The following SKAP2 variants were observed in gnomAD, a reference collection of about 807,000 sequenced individuals.
SKAP2 encodes the protein src kinase associated phosphoprotein 2.
A neutral mutation model predicts 54.9 loss-of-function variants in SKAP2; 28 were observed. The observed-to-expected ratio is 0.51, with a 90% CI of 0.38 to 0.70. The LOEUF is 0.70. SKAP2 is among the 30% of genes least tolerant of loss of function. The pLI, the probability that SKAP2 is intolerant of heterozygous loss-of-function variation, is 0.00. For synonymous variants in SKAP2, 137 were observed against 134.3 expected (o/e 1.02, Z -0.14); for missense variants, 356 against 424.1 (o/e 0.84, Z 1.41).
At chr7:26,805,832 T>A (rs1285478480) in intron 4 of SKAP2, among the ~76,000 whole-genome samples, 1 of 152,258 alleles carries the variant, frequency 6.6e-6, no homozygotes, top group Non-Finnish European at 1.5e-5. Flanking sequence ...TACACTTCAT[T>A]TTATTGCATT....
chr7:26,776,157 G>A (rs56374720), intron 4 of SKAP2, among the ~76,000 whole-genome samples: 44,885 of 151,824 alleles, frequency 0.3, 6,922 homozygotes, highest in Non-Finnish European at 0.34. Flanking sequence ...TCTCCTGGTC[G>A]TTTTATACAG....
intron 9 of SKAP2, among the ~76,000 whole-genome samples, chr7:26,714,273 C>A (rs1787379242): frequency 1.3e-5 from 2 of 152,060 alleles, no homozygotes; most frequent in African/African-American, 4.8e-5. Context: ...AAACTCAGAC[C>A]TTGCAACTGA....
chr7:26,770,518 C>T (rs923393977), intron 4 of SKAP2, among the ~76,000 whole-genome samples: 4 of 152,176 alleles, frequency 2.6e-5, no homozygotes, highest in Admixed American at 1.3e-4. Flanking sequence ...AAAACTCCCA[C>T]AGCTAGCTCG....
intron 4 of SKAP2, among the ~76,000 whole-genome samples, chr7:26,766,742 T>C (rs1783065387): frequency 6.6e-6 from 1 of 152,188 alleles, no homozygotes; most frequent in African/African-American, 2.4e-5. Context: ...GTTTTTGTCA[T>C]TGGTTCTGTT....
chr7:26,666,960 CTTG>C (rs1434425801), downstream of SKAP2: 3 of 152,148 alleles, frequency 2.0e-5, no homozygotes, highest in Admixed American at 6.6e-5. Flanking sequence ...TTTACTTCAC[CTTG>C]TTGTGCTTAA....
chr7:26,757,067 T>C (rs1782811118), intron 4 of SKAP2, among the ~76,000 whole-genome samples: 1 of 152,254 alleles, frequency 6.6e-6, no homozygotes, highest in African/African-American at 2.4e-5. Context: ...AAATTCTGGA[T>C]ATTAGCCCTT....
At chr7:26,716,692 T>C (rs1336442747) in intron 9 of SKAP2, among the ~76,000 whole-genome samples, 1 of 152,210 alleles carries the variant, frequency 6.6e-6, no homozygotes, top group Admixed American at 6.5e-5. Flanking sequence ...ACCTTTTATT[T>C]ACCCTCTGCT....
chr7:26,801,010 T>C (rs961734877), intron 4 of SKAP2, among the ~76,000 whole-genome samples: 3 of 151,762 alleles, frequency 2.0e-5, no homozygotes, highest in African/African-American at 7.3e-5. Flanking sequence ...CCAGTATTAC[T>C]GATACCAAAA....
At chr7:26,760,221 A>G (rs1294083742) in intron 4 of SKAP2, among the ~76,000 whole-genome samples, 3 of 152,222 alleles carry the variant, frequency 2.0e-5, no homozygotes, top group Non-Finnish European at 4.4e-5. Flanking sequence ...GAAATTCTAA[A>G]CTAACTGAAA....
chr7:26,701,738 TAAATAAATAAATAAATAAAC>T (rs1222348141), intron 9 of SKAP2, among the ~76,000 whole-genome samples: 1,779 of 102,650 alleles, frequency 0.017, 36 homozygotes, highest in African/African-American at 0.049. Context: ...AATAAATAAA[TAAATAAATAAATAAATAAAC>T]AAATAAATAA....
intron 6 of SKAP2, among the ~76,000 whole-genome samples, chr7:26,736,739 G>A (rs1787952331): frequency 6.6e-6 from 1 of 152,044 alleles, no homozygotes; most frequent in Non-Finnish European, 1.5e-5. Flanking sequence ...AGGGCTAAAT[G>A]GATCACAAAG....
At chr7:26,821,226 A>G (rs1364148591) in intron 4 of SKAP2, among the ~76,000 whole-genome samples, 1 of 152,178 alleles carries the variant, frequency 6.6e-6, no homozygotes, top group Non-Finnish European at 1.5e-5. Context: ...ACATAGTAAC[A>G]TAACATGATG....
intron 4 of SKAP2, among the ~76,000 whole-genome samples, chr7:26,748,284 T>C (rs1001019898): frequency 6.6e-5 from 10 of 152,178 alleles, no homozygotes; most frequent in African/African-American, 2.2e-4. Context: ...CCTTATAGAA[T>C]TTTAAAATAT....
intron 4 of SKAP2, among the ~76,000 whole-genome samples, chr7:26,836,259 A>ATG (rs1784709011): frequency 6.6e-6 from 1 of 152,220 alleles, no homozygotes; most frequent in Non-Finnish European, 1.5e-5. Flanking sequence ...AACCTAGGCT[A>ATG]TACCATTCAG....
chr7:26,703,330 T>C (rs2127946872), intron 9 of SKAP2, among the ~76,000 whole-genome samples: 1 of 152,366 alleles, frequency 6.6e-6, no homozygotes, highest in South Asian at 2.1e-4. Context: ...ATGGTTGTCC[T>C]AAGGCTTTCT....
At chr7:26,780,916 C>A (rs1238265162) in intron 4 of SKAP2, among the ~76,000 whole-genome samples, 1 of 152,088 alleles carries the variant, frequency 6.6e-6, no homozygotes, top group Admixed American at 6.6e-5. Flanking sequence ...GGCTATTGTA[C>A]TACGTATCAT....
chr7:26,752,512 T>A (rs1165585994), intron 4 of SKAP2, among the ~76,000 whole-genome samples: 1 of 152,132 alleles, frequency 6.6e-6, no homozygotes, highest in African/African-American at 2.4e-5. Context: ...AAGGATAAGA[T>A]CATAGAGTAT....
intron 4 of SKAP2, among the ~76,000 whole-genome samples, chr7:26,795,379 A>G (rs994411037): frequency 6.6e-6 from 1 of 152,246 alleles, no homozygotes; most frequent in African/African-American, 2.4e-5. Context: ...TTTGAATAAG[A>G]TCAAATTATC....
intron 6 of SKAP2, among the ~76,000 whole-genome samples, chr7:26,733,859 T>C (rs1048275722): frequency 6.6e-5 from 10 of 152,226 alleles, no homozygotes; most frequent in African/African-American, 2.2e-4. Context: ...TCCCATTTAC[T>C]AGACGGTGCT....
Sources: allele counts gnomAD v4.1 joint callset (sites outside exome capture counted in the v4.1 genomes callset), GRCh38; gene constraint gnomAD v4.1.1; transcripts MANE v1.5; gene names NCBI Gene and HGNC (gene_info 2026-07-23, HGNC 2026-07-21).